PIK3C2A: variants seen among roughly 807,000 people sequenced by gnomAD.
PIK3C2A encodes the protein phosphatidylinositol 4-phosphate 3-kinase C2 domain-containing subunit alpha.
PIK3C2A carries 97 observed loss-of-function variants against 204.5 expected under a neutral mutation model. The ratio of observed to expected loss-of-function variants is 0.47; its 90% CI spans 0.40 to 0.56. The LOEUF is 0.56. Ranked by LOEUF, PIK3C2A falls within the 20% of genes least tolerant of loss-of-function variation. PIK3C2A has a pLI of 0.00. For synonymous variants in PIK3C2A, 653 were observed against 664.4 expected (o/e 0.98, Z 0.26); for missense variants, 1,735 against 1,969.2 (o/e 0.88, Z 2.25).
At chr11:17,187,871 G>C (rs1051194094) in intron 1 of PIK3C2A, among the ~76,000 whole-genome samples, 2 of 151,970 alleles carry the variant, frequency 1.3e-5, no homozygotes, top group Non-Finnish European at 2.9e-5. Context: ...GAAAGGAAGA[G>C]ACACCTTAGG....
chr11:17,133,568 C>G (rs1038673021), intron 11 of PIK3C2A, among the ~76,000 whole-genome samples: 1 of 152,068 alleles, frequency 6.6e-6, no homozygotes, highest in Non-Finnish European at 1.5e-5. Context: ...TAGCATTAAG[C>G]TACTATAAAA....
chr11:17,147,730 G>A (rs1850288844), intron 5 of PIK3C2A, 102 bp from the exon 6 acceptor site: 2 of 625,752 alleles, frequency 3.2e-6, no homozygotes, highest in South Asian at 2.1e-5. Context: ...GAAGAGAATG[G>A]TGAAACAGAG....
chr11:17,146,059 T>C, intron 6 of PIK3C2A, 117 bp from the exon 7 acceptor site: 1 of 639,228 alleles, frequency 1.6e-6, no homozygotes. Context: ...TTCTGAGAAC[T>C]GAAAATAAAA....
At position 17,117,632 on chromosome 11, in the gene PIK3C2A, G is replaced by A; in HGVS notation, c.3075C>T (p.Thr1025=). 1 of 1,612,380 alleles carries A rather than the reference G, an allele frequency of 6.2e-7. No homozygotes were observed. Among genetic ancestry groups the A allele is most frequent in the Non-Finnish European group, 8.5e-7 (1 of 1,178,882 alleles). ...GAGCACCCAAAACATGTTCGTATCG[G>A]GTACTAAACTGTACATCATGCAGGG... ...KDALHDVQFS[T]RYEHVLGALL... The change falls in exon 19 of 33, where the codon ACC becomes ACT. Residue 1025 remains threonine, a synonymous_variant. Transcript: ENST00000691414.
At chr11:17,094,976 C>A (rs529875804) in intron 27 of PIK3C2A, among the ~76,000 whole-genome samples, 4 of 152,144 alleles carry the variant, frequency 2.6e-5, no homozygotes, top group Non-Finnish European at 4.4e-5. Flanking sequence ...AAGCTGGGCA[C>A]GGTTGCTCAT....
chr11:17,141,052 G>A (rs1251751633), intron 8 of PIK3C2A, among the ~76,000 whole-genome samples: 1 of 152,124 alleles, frequency 6.6e-6, no homozygotes, highest in Non-Finnish European at 1.5e-5. Flanking sequence ...ACAAAGGGAA[G>A]TGATAAGAAG....
At position 17,148,779 on chromosome 11, in the gene PIK3C2A, T is replaced by C. The variant is rs369900387; in HGVS notation, c.1336A>G (p.Thr446Ala). 4.0e-5 allele frequency: 65 copies of C among 1,610,238 alleles called. No homozygotes were observed. The highest frequency in any genetic ancestry group is 5.4e-5 in the Non-Finnish European group (64 of 1,177,292). The change falls in exon 5 of 33, where the codon ACT (threonine) becomes GCT (alanine). Residue 446 changes from threonine (T) to alanine (A), a missense_variant. Thr to Ala is a moderately conservative substitution (Grantham distance 58, BLOSUM62 0). Around this residue, in one of 6 missense-constraint regions of PIK3C2A, gnomAD observed 536 missense variants for 546.7 expected, o/e 0.98. Coordinates refer to ENST00000691414, the MANE Select transcript of PIK3C2A (RefSeq NM_002645.4). ...GCTTGCATTATAATGATTTCTACAG[T>C]AGAACTCACTGTAAAAGAGTTAGTC... ...PVTFTCDVSS[T>A]VEIIIMQALC...
intron 19 of PIK3C2A, 54 bp downstream of exon 19, chr11:17,117,437 A>C: frequency 7.8e-7 from 1 of 1,275,180 alleles, no homozygotes; most frequent in Non-Finnish European, 1.1e-6. Flanking sequence ...TCAGCACCAT[A>C]AAGATCCTTC....
chr11:17,111,511 C>A (rs145519534), intron 21 of PIK3C2A, among the ~76,000 whole-genome samples: 163 of 152,076 alleles, frequency 1.1e-3, no homozygotes, highest in African/African-American at 3.7e-3. Flanking sequence ...TTTAAAAACA[C>A]ATAATAAGGA....
At chr11:17,119,378 A>G in intron 16 of PIK3C2A, 65 bp from the exon 17 acceptor site, 1 of 915,106 alleles carries the variant, frequency 1.1e-6, no homozygotes, top group Non-Finnish European at 1.8e-6. Context: ...GTATTTTTTG[A>G]AAACACAATC....
chr11:17,201,855 A>G (rs757446067), intron 1 of PIK3C2A, among the ~76,000 whole-genome samples: 1 of 152,208 alleles, frequency 6.6e-6, no homozygotes, highest in Non-Finnish European at 1.5e-5. Flanking sequence ...CCTAGTTGGA[A>G]TATAAACTTC....
At chr11:17,170,146 T>C (rs929333883) in intron 1 of PIK3C2A, among the ~76,000 whole-genome samples, 2 of 152,214 alleles carry the variant, frequency 1.3e-5, no homozygotes, top group Non-Finnish European at 2.9e-5. Flanking sequence ...TGAAATGACT[T>C]AAGTGCTAGT....
intron 19 of PIK3C2A, among the ~76,000 whole-genome samples, chr11:17,115,208 A>G (rs1045728410): frequency 1.3e-5 from 2 of 151,980 alleles, no homozygotes; most frequent in African/African-American, 4.8e-5. Flanking sequence ...ACATTGTCCA[A>G]TTTCAAAACT....
intron 2 of PIK3C2A, among the ~76,000 whole-genome samples, chr11:17,163,366 T>C (rs190657542): frequency 4.6e-5 from 7 of 152,322 alleles, no homozygotes; most frequent in Admixed American, 2.0e-4. Flanking sequence ...AGTTTTTCTA[T>C]GCAATGTATT....
chr11:17,202,260 A>G (rs996899440), intron 1 of PIK3C2A, among the ~76,000 whole-genome samples: 1 of 83,342 alleles, frequency 1.2e-5, no homozygotes, highest in Non-Finnish European at 3.2e-5. Context: ...TCATCTCCAG[A>G]AAAAAAAAAA....
At chr11:17,091,085 C>T (rs1848297171) in intron 32 of PIK3C2A, among the ~76,000 whole-genome samples, 1 of 151,806 alleles carries the variant, frequency 6.6e-6, no homozygotes, top group South Asian at 2.1e-4. Flanking sequence ...AAACAATGGA[C>T]ACAGAGAAGG....
At chr11:17,169,866 T>C (rs1851103640) in intron 1 of PIK3C2A, 60 bp from the exon 2 acceptor site, 8 of 674,342 alleles carry the variant, frequency 1.2e-5, no homozygotes, top group Admixed American at 6.5e-5. Flanking sequence ...ATATTTTGTT[T>C]GCAACCTACC....
intron 3 of PIK3C2A, among the ~76,000 whole-genome samples, chr11:17,151,084 T>G (rs1850410345): frequency 6.6e-6 from 1 of 152,214 alleles, no homozygotes; most frequent in African/African-American, 2.4e-5. Context: ...ATATTTTTCT[T>G]CTAAGGACCT....
chr11:17,134,216 T>G (rs758179725), intron 11 of PIK3C2A, among the ~76,000 whole-genome samples: 1 of 152,192 alleles, frequency 6.6e-6, no homozygotes, highest in Non-Finnish European at 1.5e-5. Flanking sequence ...ATTTTCTTTT[T>G]ATTTTTTTGA....
Sources: gnomAD v4.1 joint callset for allele counts (sites outside exome capture counted in the v4.1 genomes callset) on GRCh38, gnomAD v4.1.1 for gene constraint, gnomAD v4.1.1 regional missense constraint, MANE v1.5 for transcripts, NCBI Gene and HGNC (gene_info 2026-07-23, HGNC 2026-07-21) for gene names.